Variants in ADAMTS18 observed in about 807,000 individuals in gnomAD.
The protein encoded by ADAMTS18 is ADAM metallopeptidase with thrombospondin type 1 motif 18.
ADAMTS18 carries 157 observed loss-of-function variants against 165.9 expected under a neutral mutation model. The ratio of observed to expected loss-of-function variants is 0.95; its 90% CI spans 0.83 to 1.08. ADAMTS18 has a LOEUF of 1.08. Ranked by LOEUF, ADAMTS18 falls within the 50% of genes least tolerant of loss-of-function variation. ADAMTS18 has a pLI of 0.00. For missense variants in ADAMTS18, 2,040 were observed against 1,534.0 expected (o/e 1.33, Z -5.51); for synonymous variants, 782 against 578.2 (o/e 1.35, Z -5.06).
At chr16:77,424,878 C>T (rs1193832193) in intron 3 of ADAMTS18, among the ~76,000 whole-genome samples, 1 of 152,052 alleles carries the variant, frequency 6.6e-6, no homozygotes, top group African/African-American at 2.4e-5. Context: ...TTCAACAAAC[C>T]CCTACTAGCT....
chr16:77,433,750 T>C (rs2057765520), intron 2 of ADAMTS18, among the ~76,000 whole-genome samples: 1 of 152,206 alleles, frequency 6.6e-6, no homozygotes, highest in African/African-American at 2.4e-5. Context: ...GCTGTTCTCC[T>C]GTAGCTGATG....
rs1320927804 is a variant in ADAMTS18, at chr16:77,321,117, A to T, written c.2249T>A (p.Phe750Tyr). 1 of 1,614,218 alleles carries T rather than the reference A, an allele frequency of 6.2e-7. No homozygotes were observed. Among genetic ancestry groups the T allele is most frequent in the South Asian group, 1.1e-5 (1 of 91,088 alleles). Residue 750 changes from phenylalanine (F) to tyrosine (Y), a missense_variant, in exon 15 of 23, where the codon TTT (phenylalanine) becomes TAT (tyrosine). Coordinates refer to ENST00000282849, the MANE Select transcript of ADAMTS18 (RefSeq NM_199355.4). ...CTGGTTGAGGTACAGGCCTTTATAA[A>T]ACTTGCAAGTTGAATTATCACCTTT... ...VCKGDNSTCK[F>Y]YKGLYLNQHK...
intron 3 of ADAMTS18, among the ~76,000 whole-genome samples, chr16:77,389,432 G>C (rs951769794): frequency 6.6e-6 from 1 of 152,138 alleles, no homozygotes; most frequent in Non-Finnish European, 1.5e-5. Context: ...ATGGTGTTAC[G>C]GAAAACTCCT....
In ADAMTS18 at chr16:77,319,996, A is replaced by C; in HGVS notation, c.2385T>G (p.Ser795Arg). 6.2e-7 allele frequency: 1 copy of C among 1,614,142 alleles called. No homozygotes were observed. The highest frequency in any genetic ancestry group is 1.7e-5 in the Admixed American group (1 of 60,026). ...SSSYLAVRSL[S>R]QKYYLTGGWS... ...AGCCCCCGGTGAGGTAATACTTTTG[A>C]CTGAGGCTTCGAACTGCGAGGTAAC... Residue 795 changes from serine (S) to arginine (R), a missense_variant, in exon 16 of 23, where the codon AGT (serine) becomes AGG (arginine). Transcript: ENST00000282849.
At chr16:77,328,667 C>T (rs1025426906) in intron 12 of ADAMTS18, among the ~76,000 whole-genome samples, 6 of 152,106 alleles carry the variant, frequency 3.9e-5, no homozygotes, top group East Asian at 3.9e-4. Context: ...CTCAATATTC[C>T]GGTCATCTTT....
At chr16:77,393,437 G>T (rs2057216296) in intron 3 of ADAMTS18, among the ~76,000 whole-genome samples, 1 of 152,194 alleles carries the variant, frequency 6.6e-6, no homozygotes, top group African/African-American at 2.4e-5. Flanking sequence ...CAGACTAGCT[G>T]CTATGATCTG....
chr16:77,408,630 A>G (rs1019207334), intron 3 of ADAMTS18, among the ~76,000 whole-genome samples: 2 of 152,198 alleles, frequency 1.3e-5, no homozygotes, highest in Non-Finnish European at 2.9e-5. Flanking sequence ...TTGCATGTAT[A>G]CAAAGTTCAA....
At chr16:77,349,749 C>A (rs933039652) in intron 10 of ADAMTS18, among the ~76,000 whole-genome samples, 2 of 152,180 alleles carry the variant, frequency 1.3e-5, no homozygotes, top group Non-Finnish European at 2.9e-5. Flanking sequence ...ATGCTTGAGA[C>A]TTGTCTCGTC....
chr16:77,342,714 T>C (rs932858061), intron 10 of ADAMTS18, among the ~76,000 whole-genome samples: 1 of 152,220 alleles, frequency 6.6e-6, no homozygotes, highest in Non-Finnish European at 1.5e-5. Flanking sequence ...CCAAAGATGT[T>C]CGCATACTAA....
At chr16:77,299,234 A>T (rs1268958718) in intron 17 of ADAMTS18, among the ~76,000 whole-genome samples, 3 of 152,232 alleles carry the variant, frequency 2.0e-5, no homozygotes, top group African/African-American at 7.2e-5. Flanking sequence ...ACATGTGCCT[A>T]GGGAAACAAA....
At chr16:77,370,675 A>C (rs933699180) in intron 3 of ADAMTS18, among the ~76,000 whole-genome samples, 5 of 152,222 alleles carry the variant, frequency 3.3e-5, no homozygotes, top group Admixed American at 2.6e-4. Flanking sequence ...GCTTGAACTC[A>C]GGAGGCGGAG....
intron 3 of ADAMTS18, among the ~76,000 whole-genome samples, chr16:77,386,739 G>A (rs2057113299): frequency 6.6e-6 from 1 of 152,092 alleles, no homozygotes; most frequent in South Asian, 2.1e-4. Flanking sequence ...ATAGCTGTCA[G>A]ATCACCTATC....
chr16:77,426,860 A>C (rs2057679482), intron 3 of ADAMTS18, among the ~76,000 whole-genome samples: 4 of 152,126 alleles, frequency 2.6e-5, no homozygotes, highest in Admixed American at 2.0e-4. Context: ...TCGCCTCTAC[A>C]AAAATTGGCC....
intron 3 of ADAMTS18, among the ~76,000 whole-genome samples, chr16:77,397,369 T>C (rs562376966): frequency 6.6e-6 from 1 of 152,340 alleles, no homozygotes; most frequent in Admixed American, 6.5e-5. Flanking sequence ...GCCATGGCTA[T>C]AATGTTAAAA....
chr16:77,412,889 G>T (rs952762816), intron 3 of ADAMTS18, among the ~76,000 whole-genome samples: 1 of 151,972 alleles, frequency 6.6e-6, no homozygotes, highest in African/African-American at 2.4e-5. Context: ...ATATCACAGG[G>T]TCTCACTATG....
intron 12 of ADAMTS18, among the ~76,000 whole-genome samples, chr16:77,330,731 A>C (rs373257424): frequency 2.6e-5 from 4 of 152,372 alleles, no homozygotes; most frequent in East Asian, 3.9e-4. Flanking sequence ...CAACAAAAAA[A>C]AACTGGTAAA....
intron 11 of ADAMTS18, among the ~76,000 whole-genome samples, chr16:77,336,326 C>T (rs1049142731): frequency 3.3e-5 from 5 of 152,112 alleles, no homozygotes; most frequent in Non-Finnish European, 5.9e-5. Context: ...ATTTATCATT[C>T]TGAAAGAACA....
intron 3 of ADAMTS18, among the ~76,000 whole-genome samples, chr16:77,377,820 C>T (rs2056974326): frequency 6.6e-6 from 1 of 152,030 alleles, no homozygotes; most frequent in Non-Finnish European, 1.5e-5. Context: ...TGATTTGTTG[C>T]CCAACATGTA....
chr16:77,377,325 G>C (rs559259118), intron 3 of ADAMTS18, among the ~76,000 whole-genome samples: 1 of 152,326 alleles, frequency 6.6e-6, no homozygotes, highest in South Asian at 2.1e-4. Flanking sequence ...ATTTTTAATA[G>C]TTCAGTGTGA....
Sources: gnomAD v4.1 joint callset for allele counts (sites outside exome capture counted in the v4.1 genomes callset) on GRCh38, gnomAD v4.1.1 for gene constraint, MANE v1.5 for transcripts, NCBI Gene and HGNC (gene_info 2026-07-23, HGNC 2026-07-21) for gene names.